Variants in ROBO2 observed in about 807,000 individuals in gnomAD.
The protein encoded by ROBO2 is roundabout guidance receptor 2.
In ROBO2, 53 loss-of-function variants were observed where a neutral mutation model predicts 160.8. The ratio of observed to expected loss-of-function variants is 0.33; its 90% CI spans 0.26 to 0.41. The LOEUF is 0.41. ROBO2 is among the 10% of genes least tolerant of loss of function. ROBO2 has a pLI of 1.00. For synonymous variants in ROBO2, 664 were observed against 611.7 expected (o/e 1.09, Z -1.26); for missense variants, 1,577 against 1,722.4 (o/e 0.92, Z 1.49).
intron 2 of ROBO2, among the ~76,000 whole-genome samples, chr3:76,052,708 T>C (rs1353016732): frequency 6.6e-6 from 1 of 152,046 alleles, no homozygotes; most frequent in Non-Finnish European, 1.5e-5. Flanking sequence ...TCAGGAATTA[T>C]TGTTTGTGGT....
intron 2 of ROBO2, among the ~76,000 whole-genome samples, chr3:76,984,965 T>A (rs1448059363): frequency 6.6e-6 from 1 of 152,078 alleles, no homozygotes; most frequent in Non-Finnish European, 1.5e-5. Flanking sequence ...TAGCCCAAAC[T>A]AAAATAATGA....
intron 2 of ROBO2, among the ~76,000 whole-genome samples, chr3:77,309,202 T>C (rs2063343206): frequency 6.6e-6 from 1 of 152,180 alleles, no homozygotes; most frequent in African/African-American, 2.4e-5. Flanking sequence ...ATATATATTC[T>C]AATAAATGCC....
intron 2 of ROBO2, among the ~76,000 whole-genome samples, chr3:76,896,688 T>G (rs960481278): frequency 5.3e-5 from 8 of 152,134 alleles, no homozygotes; most frequent in African/African-American, 1.9e-4. Flanking sequence ...TGTAACTCAC[T>G]TGATATAATT....
In ROBO2 at chr3:76,544,232, C is replaced by T. The variant is rs2082969772; in HGVS notation, c.110-553782C>T. Among the ~76,000 whole-genome samples, 7 of 151,958 alleles carry T rather than the reference C, an allele frequency of 4.6e-5. 1 individual carries two copies. In the South Asian group the frequency reaches 1.4e-3, roughly 31 times the overall value. ...CTTCACCTGGAAAATTATAATTCAT[C>T]CTTCAAGATTCCTCTTAAATAAGTT... is the stretch of plus-strand genomic sequence containing the variant. On this transcript the variant is annotated intron_variant, in intron 2 of 26. Coordinates refer to the ROBO2 transcript ENST00000487694.
chr3:77,477,413 G>A lies in ROBO2; in HGVS notation c.389-1G>A. ...CTTTTCCTGTAATTATTTTTCCTCA[G>A]TGTTACGAGATGACTTCCGACAAAA... On this transcript the variant is annotated splice_acceptor_variant, in intron 2 of 25. Coordinates refer to ENST00000461745, the Ensembl canonical transcript of ROBO2. LOFTEE classifies it high-confidence loss of function. 1 of 1,613,450 alleles carries A rather than the reference G, an allele frequency of 6.2e-7. No homozygotes were observed. Among genetic ancestry groups the A allele is most frequent in the Non-Finnish European group, 8.5e-7 (1 of 1,179,696 alleles).
chr3:75,999,695 A>T (rs776035066), intron 2 of ROBO2, among the ~76,000 whole-genome samples: 3 of 152,150 alleles, frequency 2.0e-5, no homozygotes, highest in Non-Finnish European at 4.4e-5. Flanking sequence ...CTCTGCAGTT[A>T]ATCACAAAAT....
intron 12 of ROBO2, among the ~76,000 whole-genome samples, chr3:77,566,799 C>T (rs1252521257): frequency 6.6e-6 from 1 of 151,998 alleles, no homozygotes; most frequent in Non-Finnish European, 1.5e-5. Context: ...GGAAAACCCA[C>T]GTGTTGTGTC....
At position 77,415,035 on chromosome 3, in the gene ROBO2, A is replaced by C. The variant is rs145988828; in HGVS notation, c.389-62379A>C. On this transcript the variant is annotated intron_variant, in intron 2 of 25. Coordinates refer to ENST00000461745, the Ensembl canonical transcript of ROBO2. The stretch of plus-strand genomic sequence containing the variant: ...CCCTAAGATATTTTGAGGACTGCTC[A>C]CTCCACCCATGATCCCACAACAGGA... Among the ~76,000 whole-genome samples the C allele has an allele frequency of 2.0e-4, 30 of 152,226 alleles. No individual in the cohort carries two copies. In the East Asian group the frequency reaches 5.4e-3, roughly 28 times the overall value.
chr3:76,607,831 A>G (rs1187624438), intron 2 of ROBO2, among the ~76,000 whole-genome samples: 1 of 152,194 alleles, frequency 6.6e-6, no homozygotes, highest in Admixed American at 6.5e-5. Context: ...ACAAATATTG[A>G]TGCTATCCAC....
At chr3:76,054,560 T>C (rs1239916995) in intron 2 of ROBO2, among the ~76,000 whole-genome samples, 1 of 152,196 alleles carries the variant, frequency 6.6e-6, no homozygotes, top group Non-Finnish European at 1.5e-5. Context: ...ACATGCCTAT[T>C]GCATGTTGTC....
chr3:76,108,987 G>C (rs769372245), intron 2 of ROBO2, among the ~76,000 whole-genome samples: 3 of 151,708 alleles, frequency 2.0e-5, no homozygotes, highest in Non-Finnish European at 4.4e-5. Context: ...TATATGCTAA[G>C]TTTTTCAAGT....
In ROBO2 at chr3:75,913,518, G is replaced by C. The variant is rs1946684227; in HGVS notation, c.-14+6558G>C. Among the ~76,000 whole-genome samples, 3 of 152,184 alleles carry C rather than the reference G, an allele frequency of 2.0e-5. No homozygotes were observed. In the South Asian group the frequency reaches 6.2e-4, roughly 31 times the overall value. ...GTAACAATTTATTTTTGAACCATTA[G>C]AAGGTATTGATGGGGAAGTTTTCAT... On this transcript the variant is annotated intron_variant, in intron 1 of 26. Coordinates refer to the ROBO2 transcript ENST00000487694.
chr3:77,003,509 C>G (rs2061430338), intron 2 of ROBO2, among the ~76,000 whole-genome samples: 1 of 152,166 alleles, frequency 6.6e-6, no homozygotes, highest in African/African-American at 2.4e-5. Flanking sequence ...CACTTCTCTA[C>G]TCAGTTTAGA....
At chr3:76,359,400 T>C (rs1450228310) in intron 2 of ROBO2, among the ~76,000 whole-genome samples, 1 of 152,136 alleles carries the variant, frequency 6.6e-6, no homozygotes, top group Non-Finnish European at 1.5e-5. Flanking sequence ...TATGTTGTTC[T>C]GTCTTAGATA....
intron 2 of ROBO2, among the ~76,000 whole-genome samples, chr3:76,115,284 A>G (rs1180617586): frequency 1.3e-5 from 2 of 152,166 alleles, no homozygotes; most frequent in African/African-American, 4.8e-5. Context: ...ATTCGAATTA[A>G]AAAATGAATG....
chr3:76,579,963 G>C (rs2085553527), intron 2 of ROBO2, among the ~76,000 whole-genome samples: 1 of 152,016 alleles, frequency 6.6e-6, no homozygotes, highest in South Asian at 2.1e-4. Context: ...TCCATTCTCT[G>C]GCAGCAAGTA....
intron 5 of ROBO2, among the ~76,000 whole-genome samples, chr3:77,520,477 A>ATTT (rs2090481092): frequency 6.6e-6 from 1 of 151,156 alleles, no homozygotes; most frequent in African/African-American, 2.4e-5. Context: ...GTAACATACA[A>ATTT]TTTTTTTCTC....
chr3:77,276,343 G>T (rs937365366), intron 2 of ROBO2, among the ~76,000 whole-genome samples: 8 of 152,038 alleles, frequency 5.3e-5, no homozygotes. Flanking sequence ...CCCTTGAAAT[G>T]TTACTACTAC....
intron 2 of ROBO2, among the ~76,000 whole-genome samples, chr3:76,663,371 A>G (rs1409560177): frequency 6.6e-6 from 1 of 152,206 alleles, no homozygotes; most frequent in African/African-American, 2.4e-5. Flanking sequence ...TCTGGGCTGC[A>G]GAATACATTT....
Sources: allele counts gnomAD v4.1 joint callset (sites outside exome capture counted in the v4.1 genomes callset), GRCh38; gene constraint gnomAD v4.1.1; transcripts MANE v1.5; gene names NCBI Gene and HGNC (gene_info 2026-07-23, HGNC 2026-07-21).